Variants in TULP4 observed in about 807,000 individuals in gnomAD.
TULP4 encodes TUB like protein 4.
TULP4 carries 16 observed loss-of-function variants against 129.0 expected under a neutral mutation model. The ratio of observed to expected loss-of-function variants is 0.12; its 90% CI spans 0.08 to 0.19. TULP4 has a LOEUF of 0.19. TULP4 is among the 10% of genes least tolerant of loss of function. The probability of loss-of-function intolerance (pLI) is 1.00; values close to 1 mark genes in which losing one functional copy is unlikely to be tolerated. For missense variants in TULP4, 1,842 were observed against 2,059.1 expected (o/e 0.89, Z 2.04); for synonymous variants, 998 against 854.0 (o/e 1.17, Z -2.94).
chr6:158,433,182 G>A (rs1375643705), intron 3 of TULP4, among the ~76,000 whole-genome samples: 2 of 152,086 alleles, frequency 1.3e-5, no homozygotes, highest in Admixed American at 6.6e-5. Context: ...GGTCAGTGTG[G>A]CCACCTTACA....
At chr6:158,344,442 G>A (rs191011653) in intron 1 of TULP4, among the ~76,000 whole-genome samples, 7 of 152,066 alleles carry the variant, frequency 4.6e-5, no homozygotes, top group Admixed American at 3.3e-4. Flanking sequence ...CAAGTCTTTC[G>A]GTGCCATGTT....
intron 1 of TULP4, among the ~76,000 whole-genome samples, chr6:158,233,384 G>A (rs976177974): frequency 2.6e-5 from 4 of 152,218 alleles, no homozygotes; most frequent in South Asian, 2.1e-4. Flanking sequence ...AAGCACAGAG[G>A]AAGTTATTTC....
Position 158,314,045 on chromosome 6 carries a change from T to A in TULP4, c.29T>A (p.Val10Glu), listed in dbSNP as rs761998772. MYAAVEHGP[V>E]LCSDSNILCL... ...TATGCAGCAGTGGAACATGGGCCTG[T>A]GCTTTGCAGCGATTCCAACATCCTG... The change falls in exon 1 of 14, where the codon GTG becomes GAG. Residue 10 changes from valine to glutamate, a missense_variant. Val to Glu is a moderately radical substitution (Grantham distance 121). Around this residue, in one of 5 missense-constraint regions of TULP4, gnomAD observed 151 missense variants for 268.7 expected, o/e 0.56. Transcript: ENST00000367097. 2 of 1,614,234 alleles carry A rather than the reference T, an allele frequency of 1.2e-6. No individual in the cohort carries two copies. The highest frequency in any genetic ancestry group is 1.7e-6 in the Non-Finnish European group (2 of 1,180,038).
chr6:158,347,332 T>C (rs1434546114), intron 1 of TULP4, among the ~76,000 whole-genome samples: 1 of 152,352 alleles, frequency 6.6e-6, no homozygotes, highest in African/African-American at 2.4e-5. Flanking sequence ...TCTGTAAGTA[T>C]AGAAATATGA....
upstream of TULP4, among the ~76,000 whole-genome samples, chr6:158,309,608 A>G (rs1779300043): frequency 6.6e-6 from 1 of 152,132 alleles, no homozygotes; most frequent in Non-Finnish European, 1.5e-5. Context: ...ACCATTGAGC[A>G]CCGAGTGAAC....
intron 2 of TULP4, among the ~76,000 whole-genome samples, chr6:158,416,117 A>G (rs942556517): frequency 1.3e-5 from 2 of 151,926 alleles, no homozygotes; most frequent in Non-Finnish European, 2.9e-5. Flanking sequence ...AGGCTGGAAG[A>G]CTCTGCAAGT....
rs1554272522 is a variant in TULP4, at chr6:158,236,795, C to CTTTTCTTTTTTTTTTTTTTT, written n.68+4496_68+4497insCTTTTTTTTTTTTTTTTTTT. 3.6e-4 allele frequency among the ~76,000 whole-genome samples: 23 copies of CTTTTCTTTTTTTTTTTTTTT among 63,294 alleles called. 1 individual carries two copies. Among genetic ancestry groups the CTTTTCTTTTTTTTTTTTTTT allele is most frequent in the Non-Finnish European group, 5.9e-4 (19 of 32,242 alleles). 41.5% of individuals were successfully genotyped at this position (63,294 alleles called of 152,430 possible). A position where few individuals can be genotyped will look rare whatever the true frequency, so the allele number is the denominator to read the frequency against. ...AGATGGGTAAATGCCCAATTCTTTT[C>CTTTTCTTTTTTTTTTTTTTT]TTTTTTTTTTTTTTTTTTTTTTTTT... On this transcript the variant is annotated intron_variant and non_coding_transcript_variant, in intron 1 of 1. Transcript: ENST00000620026.
At chr6:158,301,672 T>G (rs1487100547) in intron 1 of TULP4, among the ~76,000 whole-genome samples, 1 of 152,092 alleles carries the variant, frequency 6.6e-6, no homozygotes, top group African/African-American at 2.4e-5. Flanking sequence ...ATTAGCCCAG[T>G]AGGGGAGTGC....
chr6:158,336,236 G>T (rs1191303022), intron 1 of TULP4, among the ~76,000 whole-genome samples: 1 of 152,162 alleles, frequency 6.6e-6, no homozygotes, highest in Non-Finnish European at 1.5e-5. Flanking sequence ...TAAAAATCTT[G>T]TGAATTGTCT....
At chr6:158,239,453 GTGGGGGGCTGACCCCCCCACCTCCCTCC>G (rs1777807005) in intron 1 of TULP4, among the ~76,000 whole-genome samples, 2 of 62,706 alleles carry the variant, frequency 3.2e-5, no homozygotes, top group African/African-American at 1.1e-4. Flanking sequence ...GGCTGGCCGG[GTGGGGGGCTGACCCCCCCACCTCCCTCC>G]CGGACGGGGA....
At chr6:158,353,288 A>T (rs901235462) in intron 1 of TULP4, among the ~76,000 whole-genome samples, 4 of 152,174 alleles carry the variant, frequency 2.6e-5, no homozygotes, top group African/African-American at 9.7e-5. Context: ...TTCCAGATAG[A>T]ATCCTCATAT....
intron 1 of TULP4, among the ~76,000 whole-genome samples, chr6:158,365,480 T>C (rs1780914957): frequency 6.7e-6 from 1 of 149,938 alleles, no homozygotes; most frequent in African/African-American, 2.4e-5. Flanking sequence ...TCTTTTTTCT[T>C]TTTTTTTTGT....
chr6:158,237,468 AG>A, intron 1 of TULP4: 1 of 1,541,440 alleles, frequency 6.5e-7, no homozygotes, highest in Non-Finnish European at 9.0e-7. Flanking sequence ...CTGCACTGCC[AG>A]GTCTTGGGGA....
At chr6:158,337,126 C>CTTT (rs1583764634) in intron 1 of TULP4, among the ~76,000 whole-genome samples, 2 of 59,204 alleles carry the variant, frequency 3.4e-5, no homozygotes, top group African/African-American at 6.5e-5. Flanking sequence ...CTCTTTCTTT[C>CTTT]TCTTTTTTTT....
At chr6:158,443,971 G>C (rs888355959) in intron 3 of TULP4, among the ~76,000 whole-genome samples, 1 of 152,050 alleles carries the variant, frequency 6.6e-6, no homozygotes, top group Admixed American at 6.6e-5. Flanking sequence ...TGTAATCCCA[G>C]CACTTTGGGG....
chr6:158,257,230 T>TGGGTGG (rs1396819994), intron 1 of TULP4, among the ~76,000 whole-genome samples: 15 of 151,698 alleles, frequency 9.9e-5, no homozygotes, highest in Non-Finnish European at 1.9e-4. Flanking sequence ...GCCAGGACTC[T>TGGGTGG]GTTCGTTTCT....
chr6:158,264,780 T>A (rs189355793), intron 1 of TULP4, among the ~76,000 whole-genome samples: 76 of 152,300 alleles, frequency 5.0e-4, no homozygotes, highest in African/African-American at 1.7e-3. Flanking sequence ...AGGCCCTCTC[T>A]TCTCCATGCC....
At chr6:158,418,116 T>TTGGGGG (rs1562557706) in intron 2 of TULP4, among the ~76,000 whole-genome samples, 2 of 104,920 alleles carry the variant, frequency 1.9e-5, no homozygotes, top group Non-Finnish European at 5.1e-5. Context: ...TTTTTTTTTT[T>TTGGGGG]GGGAGCGGGG....
chr6:158,453,084 T>C (rs935325145), intron 5 of TULP4, among the ~76,000 whole-genome samples: 1 of 152,178 alleles, frequency 6.6e-6, no homozygotes, highest in Non-Finnish European at 1.5e-5. Flanking sequence ...AACTCGCTGC[T>C]GTCATTCAAA....
Sources: allele counts gnomAD v4.1 joint callset (sites outside exome capture counted in the v4.1 genomes callset), GRCh38; gene constraint gnomAD v4.1.1; regional missense constraint gnomAD v4.1.1; transcripts MANE v1.5; gene names NCBI Gene and HGNC (gene_info 2026-07-23, HGNC 2026-07-21).